Variants in ITSN2 observed in about 807,000 individuals in gnomAD.
The protein encoded by ITSN2 is intersectin 2.
A neutral mutation model predicts 243.7 loss-of-function variants in ITSN2; 156 were observed. That is an observed-to-expected ratio of 0.64 (90% CI 0.56 to 0.73). ITSN2 has a LOEUF of 0.73. Among genes scored for constraint, ITSN2 ranks in the 30% least tolerant of loss-of-function variants. The probability of loss-of-function intolerance (pLI) is 0.00; values close to 1 mark genes in which losing one functional copy is unlikely to be tolerated. For missense variants in ITSN2, 1,801 were observed against 1,996.1 expected (o/e 0.90, Z 1.86); for synonymous variants, 703 against 699.9 (o/e 1.00, Z -0.07).
At chr2:24,213,505 G>C (rs1669687552) in intron 32 of ITSN2, among the ~76,000 whole-genome samples, 1 of 151,944 alleles carries the variant, frequency 6.6e-6, no homozygotes, top group South Asian at 2.1e-4. Context: ...CTTTTGTTTT[G>C]GCCGTATCTA....
chr2:24,225,180 A>C lies in ITSN2; in HGVS notation c.3578-4114T>G. ...CCCTTTCCTTCACGCTTCTATGTTC[A>C]CTCTTCGCCATTTCCTTCTTAGCCC... On this transcript the variant is annotated intron_variant, in intron 29 of 39. Coordinates refer to ENST00000355123, the MANE Select transcript of ITSN2 (RefSeq NM_006277.3). The surrounding 1 kb of genome is among the most constrained non-coding windows in gnomAD (Gnocchi z 4.2). Among the ~76,000 whole-genome samples, 4 of 150,630 alleles carry C rather than the reference A, an allele frequency of 2.7e-5. No individual in the cohort carries two copies. Among genetic ancestry groups the C allele is most frequent in the East Asian group, 2.0e-4 (1 of 5,084 alleles).
Position 24,210,962 on chromosome 2 carries a change from G to A in ITSN2, c.4090-15C>T. 6.2e-7 allele frequency: 1 copy of A among 1,613,496 alleles called. No homozygotes were observed. Among genetic ancestry groups the A allele is most frequent in the Non-Finnish European group, 8.5e-7 (1 of 1,179,460 alleles). On this transcript the variant is annotated splice_polypyrimidine_tract_variant and intron_variant, in intron 33 of 39. Transcript: ENST00000355123. ...TTCTCCAGAATCTGGAAAAGAGTGG[G>A]CAGTGTCACATGGGGGAGCTGCGTC...
At chr2:24,334,677 T>C in intron 1 of ITSN2, 1 of 1,571,476 alleles carries the variant, frequency 6.4e-7, no homozygotes, top group South Asian at 1.1e-5. Context: ...AAGCTGATTT[T>C]CCAGAAAAAG....
At chr2:24,237,741 GTTTC>G (rs1672327393) in intron 29 of ITSN2, among the ~76,000 whole-genome samples, 1 of 152,000 alleles carries the variant, frequency 6.6e-6, no homozygotes, top group Non-Finnish European at 1.5e-5. Flanking sequence ...TCAGAACTCC[GTTTC>G]ATCATTTTTT....
In ITSN2 at chr2:24,249,569, T is replaced by G. The variant is rs909752570; in HGVS notation, c.3121-687A>C. On this transcript the variant is annotated intron_variant, in intron 25 of 39. Coordinates refer to ENST00000355123, the MANE Select transcript of ITSN2 (RefSeq NM_006277.3). The surrounding 1 kb of genome is among the most constrained non-coding windows in gnomAD (Gnocchi z 4.4). ...AGTATTAAGCAGAGTGGATGGTAGT[T>G]AAAAGCTAACATTTTCTGAGTACTG... 1.3e-5 allele frequency among the ~76,000 whole-genome samples: 2 copies of G among 152,232 alleles called. No homozygotes were observed. The highest frequency in any genetic ancestry group is 2.4e-5 in the African/African-American group (1 of 41,470).
intron 3 of ITSN2, among the ~76,000 whole-genome samples, chr2:24,314,464 C>T (rs1683666001): frequency 6.6e-6 from 1 of 152,200 alleles, no homozygotes; most frequent in Non-Finnish European, 1.5e-5. Flanking sequence ...CTCTTAGTCT[C>T]AGTTTCACTA....
At chr2:24,307,273 G>A (rs1489564678) in intron 8 of ITSN2, among the ~76,000 whole-genome samples, 1 of 151,462 alleles carries the variant, frequency 6.6e-6, no homozygotes, top group African/African-American at 2.4e-5. Context: ...AAGAAAGAAA[G>A]CACTGCTAAT....
chr2:24,284,698 C>T (rs938748470), intron 17 of ITSN2, 65 bp downstream of exon 17: 1 of 909,592 alleles, frequency 1.1e-6, no homozygotes, highest in African/African-American at 1.7e-5. Context: ...AAAGAATAGT[C>T]TAGTTTTAAA....
chr2:24,251,012 A>G (rs1036632035), intron 25 of ITSN2, among the ~76,000 whole-genome samples: 9 of 151,832 alleles, frequency 5.9e-5, no homozygotes, highest in Non-Finnish European at 1.3e-4. Flanking sequence ...CAATATGGTG[A>G]AACCCCGTCT....
intron 29 of ITSN2, among the ~76,000 whole-genome samples, chr2:24,234,256 G>A (rs1305730071): frequency 1.4e-5 from 2 of 146,638 alleles, no homozygotes; most frequent in African/African-American, 5.0e-5. Context: ...AATGATGCTG[G>A]AACAACTGGC....
intron 29 of ITSN2, among the ~76,000 whole-genome samples, chr2:24,245,506 T>A (rs1406952173): frequency 6.6e-6 from 1 of 150,988 alleles, no homozygotes; most frequent in Non-Finnish European, 1.5e-5. Context: ...TGAGACAGGG[T>A]TTCACCTTGT....
At chr2:24,340,219 C>T (rs573473093) in intron 1 of ITSN2, among the ~76,000 whole-genome samples, 10 of 151,904 alleles carry the variant, frequency 6.6e-5, no homozygotes, top group African/African-American at 2.2e-4. Flanking sequence ...CGGTGGCTCA[C>T]GCCTGAAATC....
intron 2 of ITSN2, 63 bp downstream of exon 2, chr2:24,327,989 A>T: frequency 7.3e-7 from 1 of 1,371,482 alleles, no homozygotes. Flanking sequence ...GAATATTTTA[A>T]ACCTCTACCA....
intron 1 of ITSN2, among the ~76,000 whole-genome samples, chr2:24,342,539 C>G (rs552945057): frequency 6.7e-6 from 1 of 148,350 alleles, no homozygotes; most frequent in Admixed American, 6.9e-5. Context: ...TCCTTGATCT[C>G]GTAGGCCCTC....
chr2:24,252,492 T>C lies in ITSN2; in HGVS notation c.2973A>G (p.Pro991=), dbSNP rs1220073317. Residue 991 remains proline, a synonymous_variant, in exon 25 of 40, where the codon CCA becomes CCG. Transcript: ENST00000355123. The part of the protein sequence containing the change: ...SVGEEYIALY[P]YSSVEPGDLT... ...AATCTCCAGGTTCCACACTTGAATA[T>C]GGATAAAGTGCAATATATTCTGTAG... 3 of 1,611,514 alleles carry C rather than the reference T, an allele frequency of 1.9e-6. No homozygotes were observed. The highest frequency in any genetic ancestry group is 2.2e-5 in the East Asian group (1 of 44,782).
At chr2:24,250,661 G>A (rs1014754727) in intron 25 of ITSN2, among the ~76,000 whole-genome samples, 31 of 152,182 alleles carry the variant, frequency 2.0e-4, no homozygotes, top group Non-Finnish European at 3.4e-4. Context: ...ACTGTTCACC[G>A]ATAGGGCTTC....
In ITSN2 at chr2:24,211,372, T is replaced by C. The variant is rs1669478020; in HGVS notation, c.4090-425A>G. Among the ~76,000 whole-genome samples, 1 of 152,170 alleles carries C rather than the reference T, an allele frequency of 6.6e-6. No homozygotes were observed. Among genetic ancestry groups the C allele is most frequent in the Non-Finnish European group, 1.5e-5 (1 of 68,036 alleles). ...AACAATTTTGGGGTCACTGATCCTTTTGAAAAAAATCTGATGAAAGCAATG... is the reference window on the plus strand; with the variant it reads ...AACAATTTTGGGGTCACTGATCCTTCTGAAAAAAATCTGATGAAAGCAATG... On this transcript the variant is annotated intron_variant, in intron 33 of 39. Coordinates refer to ENST00000355123, the MANE Select transcript of ITSN2 (RefSeq NM_006277.3). This position sits in a 1 kb window ranked among gnomAD's most constrained non-coding sequence, Gnocchi z 4.1.
At chr2:24,263,562 C>T (rs1028190809) in intron 20 of ITSN2, among the ~76,000 whole-genome samples, 5 of 152,122 alleles carry the variant, frequency 3.3e-5, no homozygotes, top group Admixed American at 1.3e-4. Context: ...ACCATAAGTC[C>T]TCCAGCTTGC....
At chr2:24,265,159 C>A (rs1016154549) in intron 20 of ITSN2, among the ~76,000 whole-genome samples, 1 of 152,154 alleles carries the variant, frequency 6.6e-6, no homozygotes, top group African/African-American at 2.4e-5. Context: ...GACTTCTTAT[C>A]TTTTTCTAAA....
Sources: allele counts gnomAD v4.1 joint callset (sites outside exome capture counted in the v4.1 genomes callset), GRCh38; gene constraint gnomAD v4.1.1; non-coding constraint Gnocchi (gnomAD v3.1); transcripts MANE v1.5; gene names NCBI Gene and HGNC (gene_info 2026-07-23, HGNC 2026-07-21).